The following BCAS1 variants were observed in gnomAD, a reference collection of about 807,000 sequenced individuals.
BCAS1 encodes the protein breast carcinoma-amplified sequence 1.
BCAS1 carries 46 observed loss-of-function variants against 65.4 expected under a neutral mutation model. The ratio of observed to expected loss-of-function variants is 0.70; its 90% CI spans 0.55 to 0.90. The LOEUF is 0.90. BCAS1 is among the 40% of genes least tolerant of loss of function. BCAS1 has a pLI of 0.00. For missense variants in BCAS1, 793 were observed against 771.2 expected, an observed-to-expected ratio of 1.03 and a Z score of -0.33; for synonymous variants, 298 against 293.5, an observed-to-expected ratio of 1.02 and a Z score of -0.16.
chr20:53,944,848 G>T lies in BCAS1; in HGVS notation c.*74C>A. The T allele has an allele frequency of 7.4e-7, 1 of 1,354,304 alleles. No individual in the cohort carries two copies. Among genetic ancestry groups the T allele is most frequent in the Non-Finnish European group, 1.1e-6 (1 of 943,358 alleles). The allele number at this position is 1,354,304 out of a possible 1,614,324, so 83.9% of individuals were successfully genotyped here. On this transcript the variant is annotated 3_prime_UTR_variant, in exon 13 of 13. Transcript: ENST00000688948. ...TCAGAAGAATATATACATGGAGCGT[G>T]TTTGGGGAGGAGATGGAGTAAGGAG...
rs377310232 is a variant in BCAS1 at position 53,990,879 on chromosome 20, G to A, written c.1062+1633C>T. ...GCAAAACCCTGAAGTCCTTGTGTCT[G>A]TGTTACAGAATTCCAGAAGGCTGTT... On this transcript the variant is annotated intron_variant, in intron 7 of 12. Coordinates refer to ENST00000688948, the MANE Select transcript of BCAS1 (RefSeq NM_001366298.2). Among the ~76,000 whole-genome samples the A allele has an allele frequency of 8.5e-5, 13 of 152,310 alleles. 1 individual carries two copies. Among genetic ancestry groups the A allele is most frequent in the East Asian group, 5.8e-4 (3 of 5,194 alleles).
At chr20:53,975,344 G>A (rs374229029) in intron 9 of BCAS1, 45 bp downstream of exon 9, 47 of 1,573,552 alleles carry the variant, frequency 3.0e-5, no homozygotes, top group South Asian at 1.1e-4. Context: ...ACAACATGGC[G>A]GAAGATGAGA....
rs539824015 is a variant in BCAS1 at position 53,979,597 on chromosome 20, A to G, written c.1276-4167T>C. Among the ~76,000 whole-genome samples the G allele has an allele frequency of 8.8e-4, 134 of 152,256 alleles. 1 individual carries two copies. The highest frequency in any genetic ancestry group is 3.0e-3 in the African/African-American group (125 of 41,554). On this transcript the variant is annotated intron_variant, in intron 8 of 12. Transcript: ENST00000688948. ...CCAACAGCAGTGATGAGTGGGATAA[A>G]TTGGCACGGATCATCTCCTTGGTGG...
chr20:54,031,471 G>A (rs1869499909), intron 3 of BCAS1, among the ~76,000 whole-genome samples: 1 of 151,128 alleles, frequency 6.6e-6, no homozygotes, highest in Non-Finnish European at 1.5e-5. Context: ...CCATCACCTG[G>A]GGCTTCTATT....
chr20:54,065,325 G>A (rs1044987981), intron 1 of BCAS1, among the ~76,000 whole-genome samples: 8 of 152,052 alleles, frequency 5.3e-5, no homozygotes, highest in African/African-American at 7.2e-5. Context: ...TTTGCTAAAC[G>A]TTTTCTCCTT....
chr20:53,997,947 C>T (rs371772888), intron 4 of BCAS1, among the ~76,000 whole-genome samples: 13 of 152,100 alleles, frequency 8.5e-5, no homozygotes, highest in African/African-American at 2.7e-4. Flanking sequence ...CTGTGGGTTC[C>T]GCCTTCTCCA....
chr20:53,972,713 T>C (rs1176436459), intron 9 of BCAS1, among the ~76,000 whole-genome samples: 1 of 152,242 alleles, frequency 6.6e-6, no homozygotes, highest in African/African-American at 2.4e-5. Flanking sequence ...TACAGTTTGC[T>C]GATCCCTAAA....
intron 3 of BCAS1, among the ~76,000 whole-genome samples, chr20:54,043,147 G>A (rs531079456): frequency 3.9e-5 from 6 of 152,304 alleles, no homozygotes; most frequent in South Asian, 2.1e-4. Flanking sequence ...GCCAGCCACT[G>A]GTAACATCCC....
At chr20:53,984,750 A>G (rs773791353) in intron 8 of BCAS1, among the ~76,000 whole-genome samples, 1 of 152,212 alleles carries the variant, frequency 6.6e-6, no homozygotes, top group Non-Finnish European at 1.5e-5. Context: ...GATGGGAACA[A>G]AATCAGACAG....
At chr20:54,058,196 G>A (rs2092326023) in intron 2 of BCAS1, 42 bp from the exon 3 acceptor site, 3 of 1,558,978 alleles carry the variant, frequency 1.9e-6, no homozygotes, top group Non-Finnish European at 2.7e-6. Flanking sequence ...ATCTTCGGGG[G>A]AAAATCAGAA....
rs1283356492 is a variant in BCAS1, at chr20:53,956,997, TAGA to T, written c.1551+432_1551+434del. ...AACACCATGCAAGGTGATAGAGAAA[TAGA>T]AGAAGGAGACTTCTTGCTCCACAGA... On this transcript the variant is annotated intron_variant, in intron 11 of 12. Transcript: ENST00000688948. 4.6e-5 allele frequency among the ~76,000 whole-genome samples: 7 copies of T among 152,244 alleles called. No individual in the cohort carries two copies. The South Asian group carries it at 1.5e-3, about 32-fold the overall frequency.
intron 3 of BCAS1, among the ~76,000 whole-genome samples, chr20:54,035,925 C>G (rs2091892629): frequency 6.6e-6 from 1 of 151,038 alleles, no homozygotes; most frequent in South Asian, 2.1e-4. Flanking sequence ...GAGCTGAAGG[C>G]CATTATCCTT....
chr20:54,040,358 T>C (rs888489605), intron 3 of BCAS1, among the ~76,000 whole-genome samples: 2 of 151,334 alleles, frequency 1.3e-5, no homozygotes, highest in Non-Finnish European at 3.0e-5. Context: ...TATTATTCTA[T>C]CAGTGGCTTC....
At chr20:54,026,237 A>G (rs1219599935) in intron 4 of BCAS1, among the ~76,000 whole-genome samples, 1 of 152,190 alleles carries the variant, frequency 6.6e-6, no homozygotes, top group Non-Finnish European at 1.5e-5. Flanking sequence ...TATATTAGAT[A>G]CCTGCCATGT....
At chr20:54,030,694 G>C (rs542864855) in intron 3 of BCAS1, among the ~76,000 whole-genome samples, 39 of 151,396 alleles carry the variant, frequency 2.6e-4, no homozygotes, top group African/African-American at 8.0e-4. Flanking sequence ...AACAAAAAAG[G>C]GGGGAGAGTG....
intron 3 of BCAS1, among the ~76,000 whole-genome samples, chr20:54,029,755 G>A (rs2091760389): frequency 6.6e-6 from 1 of 152,176 alleles, no homozygotes; most frequent in Admixed American, 6.5e-5. Context: ...TTATTCATGA[G>A]TGAGAAAACT....
intron 8 of BCAS1, among the ~76,000 whole-genome samples, chr20:53,983,892 A>G (rs208366): frequency 0.1 from 15,337 of 151,498 alleles, 1,304 homozygotes; most frequent in East Asian, 0.48. Flanking sequence ...TGCCACTCCT[A>G]CTTCTCCTTC....
At chr20:53,985,528 AC>A (rs760150068) in intron 7 of BCAS1, 29 bp from the exon 8 acceptor site, 33 of 1,600,846 alleles carry the variant, frequency 2.1e-5, no homozygotes, top group Non-Finnish European at 2.6e-5. Flanking sequence ...TGGAGGGAAA[AC>A]ATTCAAAATG....
At chr20:53,992,673 C>A (rs1318964827) in intron 6 of BCAS1, 27 bp from the exon 7 acceptor site, 1 of 1,364,368 alleles carries the variant, frequency 7.3e-7, no homozygotes, top group Admixed American at 1.9e-5. Context: ...GTCACAACCT[C>A]AGAACTTTGT....
Sources: allele counts gnomAD v4.1 joint callset (sites outside exome capture counted in the v4.1 genomes callset), GRCh38; gene constraint gnomAD v4.1.1; transcripts MANE v1.5; gene names NCBI Gene and HGNC (gene_info 2026-07-23, HGNC 2026-07-21).